The following DCLK1 variants were observed in gnomAD, a reference collection of about 807,000 sequenced individuals.
DCLK1 encodes doublecortin like kinase 1, also known as serine/threonine-protein kinase DCLK1.
Under a neutral mutation model 86.2 loss-of-function variants are expected in DCLK1, and 16 were observed. The ratio of observed to expected loss-of-function variants is 0.19; its 90% CI spans 0.13 to 0.28. The LOEUF (loss-of-function observed/expected upper bound fraction) is 0.28, where lower values mean the gene tolerates loss of function less well. Ranked by LOEUF, DCLK1 falls within the 10% of genes least tolerant of loss-of-function variation. The pLI is 1.00. For synonymous variants in DCLK1, 369 were observed against 370.5 expected (o/e 1.00, Z 0.05); for missense variants, 590 against 940.2 (o/e 0.63, Z 4.87).
chr13:35,849,641 G>A, intron 6 of DCLK1: 1 of 981,880 alleles, frequency 1.0e-6, no homozygotes, highest in East Asian at 1.1e-4. Flanking sequence ...AGCAGAATTA[G>A]TAGGTTAATG....
intron 3 of DCLK1, among the ~76,000 whole-genome samples, chr13:36,064,137 A>G (rs1207859062): frequency 6.6e-6 from 1 of 152,202 alleles, no homozygotes; most frequent in Non-Finnish European, 1.5e-5. Flanking sequence ...TTTTCTTGCT[A>G]TGCACAAGAT....
chr13:36,037,111 G>A (rs559313510), intron 3 of DCLK1, among the ~76,000 whole-genome samples: 1 of 152,174 alleles, frequency 6.6e-6, no homozygotes, highest in African/African-American at 2.4e-5. Context: ...GGAACTGGAG[G>A]CCATTATGAT....
intron 3 of DCLK1, among the ~76,000 whole-genome samples, chr13:36,103,644 G>T (rs903469501): frequency 2.6e-5 from 4 of 152,062 alleles, no homozygotes; most frequent in South Asian, 2.1e-4. Flanking sequence ...TTTAAAATTG[G>T]ATTTTTAAAG....
At chr13:36,085,706 G>A (rs1884567814) in intron 3 of DCLK1, among the ~76,000 whole-genome samples, 1 of 152,144 alleles carries the variant, frequency 6.6e-6, no homozygotes, top group Non-Finnish European at 1.5e-5. Flanking sequence ...AGTTGGGGTA[G>A]ACCGAGAGAA....
chr13:35,920,234 G>A (rs1429230244), intron 4 of DCLK1, among the ~76,000 whole-genome samples: 1 of 152,102 alleles, frequency 6.6e-6, no homozygotes, highest in Non-Finnish European at 1.5e-5. Context: ...TCATTCATCT[G>A]TCTCACCTTC....
chr13:35,846,189 A>C, intron 6 of DCLK1: 1 of 985,404 alleles, frequency 1.0e-6, no homozygotes, highest in African/African-American at 1.7e-5. Context: ...TACACATCCA[A>C]TCAACTGAAA....
At chr13:35,996,085 C>T (rs1266848717) in intron 3 of DCLK1, among the ~76,000 whole-genome samples, 10 of 152,088 alleles carry the variant, frequency 6.6e-5, no homozygotes, top group African/African-American at 2.2e-4. Context: ...CCCACCACCA[C>T]GCCCAGTTAA....
chr13:35,848,839 T>C (rs1039875894), intron 6 of DCLK1: 1 of 985,376 alleles, frequency 1.0e-6, no homozygotes, highest in Non-Finnish European at 1.2e-6. Context: ...CTGTATTAAG[T>C]AATGCATTTT....
chr13:36,046,878 A>G (rs1036056525), intron 3 of DCLK1, among the ~76,000 whole-genome samples: 4 of 152,242 alleles, frequency 2.6e-5, no homozygotes, highest in African/African-American at 7.2e-5. Context: ...CCAAGTTTGC[A>G]TAAGTGAAAA....
chr13:36,061,961 CTT>C (rs1326068011), intron 3 of DCLK1, among the ~76,000 whole-genome samples: 1 of 152,158 alleles, frequency 6.6e-6, no homozygotes, highest in Non-Finnish European at 1.5e-5. Flanking sequence ...ATTTTTCAGA[CTT>C]TTCATCTGTT....
intron 6 of DCLK1, among the ~76,000 whole-genome samples, chr13:35,842,673 T>C (rs1487418998): frequency 6.6e-6 from 1 of 152,234 alleles, no homozygotes; most frequent in Non-Finnish European, 1.5e-5. Flanking sequence ...ATTTCACCTT[T>C]ACAATGAGCC....
chr13:36,121,822 T>C (rs1048021530), intron 2 of DCLK1, among the ~76,000 whole-genome samples: 2 of 152,126 alleles, frequency 1.3e-5, no homozygotes, highest in Non-Finnish European at 2.9e-5. Context: ...AAGAAACTAG[T>C]AGGCTGGGCA....
At chr13:35,877,973 C>T (rs527735150) in intron 4 of DCLK1, among the ~76,000 whole-genome samples, 45 of 152,172 alleles carry the variant, frequency 3.0e-4, no homozygotes, top group Non-Finnish European at 6.2e-4. Flanking sequence ...CCTTGGGAGG[C>T]GCCCTCCTAG....
intron 3 of DCLK1, among the ~76,000 whole-genome samples, chr13:36,071,444 G>A (rs1197972470): frequency 6.6e-6 from 1 of 152,126 alleles, no homozygotes; most frequent in Non-Finnish European, 1.5e-5. Context: ...GCAATATTAA[G>A]TAATATGTAC....
intron 6 of DCLK1, among the ~76,000 whole-genome samples, chr13:35,844,777 A>C (rs1870055514): frequency 6.6e-6 from 1 of 152,242 alleles, no homozygotes; most frequent in Non-Finnish European, 1.5e-5. Context: ...CATTCCTTCC[A>C]ATGATTATTG....
intron 3 of DCLK1, among the ~76,000 whole-genome samples, chr13:35,992,832 T>C (rs1020802092): frequency 2.6e-5 from 4 of 152,222 alleles, no homozygotes; most frequent in African/African-American, 9.6e-5. Context: ...TCCTTTTTCC[T>C]TTGTGTGACC....
chr13:35,948,494 T>C (rs550277065), intron 3 of DCLK1, among the ~76,000 whole-genome samples: 1 of 152,170 alleles, frequency 6.6e-6, no homozygotes, highest in Non-Finnish European at 1.5e-5. Context: ...GTTTCCTCTG[T>C]GGGCACCTCT....
intron 3 of DCLK1, among the ~76,000 whole-genome samples, chr13:36,013,690 T>C (rs527731447): frequency 6.6e-6 from 1 of 152,310 alleles, no homozygotes; most frequent in South Asian, 2.1e-4. Flanking sequence ...TGTTTGTCTG[T>C]GCCCTGCCCC....
intron 8 of DCLK1, among the ~76,000 whole-genome samples, chr13:35,829,568 C>G (rs1481940093): frequency 6.6e-6 from 1 of 152,116 alleles, no homozygotes; most frequent in Non-Finnish European, 1.5e-5. Context: ...AATCAAGAGA[C>G]CAGGCGTTAA....
Sources: allele counts gnomAD v4.1 joint callset (sites outside exome capture counted in the v4.1 genomes callset), GRCh38; gene constraint gnomAD v4.1.1; transcripts MANE v1.5; gene names NCBI Gene and HGNC (gene_info 2026-07-23, HGNC 2026-07-21).